EIF4E2: variants seen among roughly 807,000 people sequenced by gnomAD.
EIF4E2 encodes eukaryotic translation initiation factor 4E type 2.
In EIF4E2, 13 loss-of-function variants were observed where a neutral mutation model predicts 34.2. That is an observed-to-expected ratio of 0.38 (90% confidence interval 0.25 to 0.60). The LOEUF (loss-of-function observed/expected upper bound fraction) is 0.60. Ranked by LOEUF, EIF4E2 falls within the 20% of genes least tolerant of loss-of-function variation. The probability of loss-of-function intolerance (pLI) is 0.62; values close to 1 mark genes in which losing one functional copy is unlikely to be tolerated. For synonymous variants in EIF4E2, 100 were observed against 106.6 expected (o/e 0.94, Z 0.38); for missense variants, 222 against 315.1 (o/e 0.70, Z 2.24).
At chr2:232,580,272 T>C (rs1209535095) in intron 6 of EIF4E2, among the ~76,000 whole-genome samples, 1 of 152,190 alleles carries the variant, frequency 6.6e-6, no homozygotes, top group African/African-American at 2.4e-5. Flanking sequence ...TGTTGGTTGG[T>C]TGGTTTTTTG....
chr2:232,579,282 A>G (rs1043873678), intron 6 of EIF4E2, among the ~76,000 whole-genome samples: 5 of 152,194 alleles, frequency 3.3e-5, no homozygotes, highest in Non-Finnish European at 7.3e-5. Flanking sequence ...TAAAAATACC[A>G]TTAGCCTTTT....
intron 1 of EIF4E2, among the ~76,000 whole-genome samples, chr2:232,551,584 T>C (rs1304135459): frequency 1.3e-5 from 2 of 152,200 alleles, no homozygotes; most frequent in Admixed American, 1.3e-4. Context: ...GTAGAAAAGT[T>C]ACCCAGCCTC....
Position 232,564,555 on chromosome 2 carries a change from A to G in EIF4E2, c.375+204A>G, listed in dbSNP as rs568709968. On this transcript the variant is annotated intron_variant, in intron 4 of 6. Coordinates refer to ENST00000258416, the MANE Select transcript of EIF4E2 (RefSeq NM_004846.4). The stretch of plus-strand genomic sequence containing the variant: ...AAGCTCCGCCTCCCAGGTTCACGCC[A>G]TTCTCTTGCCTCAGCCTCCCTAGTA... Among the ~76,000 whole-genome samples, 308 of 152,300 alleles carry G rather than the reference A, an allele frequency of 2.0e-3. 1 individual carries two copies. The highest frequency in any genetic ancestry group is 6.6e-3 in the African/African-American group (275 of 41,568).
chr2:232,568,881 T>C, intron 6 of EIF4E2, 64 bp from the exon 7 acceptor site: 1 of 1,607,928 alleles, frequency 6.2e-7, no homozygotes. Context: ...ACCCAGATGC[T>C]ACTTTCCCTT....
downstream of EIF4E2, among the ~76,000 whole-genome samples, chr2:232,572,428 C>T (rs1282957579): frequency 1.3e-5 from 2 of 152,114 alleles, no homozygotes; most frequent in Admixed American, 1.3e-4. Flanking sequence ...TGCAGTGGCG[C>T]GATCTCTGCT....
intron 3 of EIF4E2, among the ~76,000 whole-genome samples, chr2:232,563,889 T>G (rs751072776): frequency 3.3e-5 from 5 of 152,212 alleles, no homozygotes; most frequent in Non-Finnish European, 5.9e-5. Context: ...GAGTTTCCAT[T>G]GTGCAAAAAC....
downstream of EIF4E2, among the ~76,000 whole-genome samples, chr2:232,572,739 G>A (rs1167865156): frequency 1.3e-5 from 2 of 152,168 alleles, no homozygotes; most frequent in African/African-American, 4.8e-5. Flanking sequence ...AAACTGGGAG[G>A]GGAATGTAAT....
At chr2:232,568,848 C>T in intron 6 of EIF4E2, 97 bp from the exon 7 acceptor site, 2 of 1,565,586 alleles carry the variant, frequency 1.3e-6, no homozygotes, top group East Asian at 4.6e-5. Context: ...GCTGTAGAGA[C>T]CAGAAGACCA....
chr2:232,563,438 G>A lies in EIF4E2; in HGVS notation c.271-809G>A, dbSNP rs575045305. On this transcript the variant is annotated intron_variant, in intron 3 of 6. Coordinates refer to ENST00000258416, the MANE Select transcript of EIF4E2 (RefSeq NM_004846.4). ...GGGGGTGACACTAATGAGAAAAACAGGACTACTGTGATGAATACAAATAAG... is the reference window on the plus strand; with the variant it reads ...GGGGGTGACACTAATGAGAAAAACAAGACTACTGTGATGAATACAAATAAG... 9.4e-4 allele frequency among the ~76,000 whole-genome samples: 143 copies of A among 151,864 alleles called. 1 individual carries two copies. The highest frequency in any genetic ancestry group is 1.6e-3 in the Non-Finnish European group (107 of 67,970).
chr2:232,565,571 T>G (rs1163564325), intron 4 of EIF4E2, among the ~76,000 whole-genome samples: 1 of 151,488 alleles, frequency 6.6e-6, no homozygotes. Flanking sequence ...GAGGTGGAGG[T>G]TGCACTGAGC....
exon 7 of EIF4E2, chr2:232,582,842 C>G (rs759836836): frequency 2.0e-5 from 3 of 152,096 alleles, no homozygotes; most frequent in African/African-American, 4.8e-5. Context: ...TTGAATCTTA[C>G]GTTTTCTAGA....
rs1372438147 is a variant in EIF4E2, at chr2:232,581,052, C to G, written c.*109C>G. 9.2e-6 allele frequency: 10 copies of G among 1,085,174 alleles called. No individual in the cohort carries two copies. The African/African-American group carries it at 1.6e-4, about 17-fold the overall frequency. The allele number at this position is 1,085,174 out of a possible 1,614,324, so 67.2% of individuals were successfully genotyped here. A position where few individuals can be genotyped will look rare whatever the true frequency, so the allele number is the denominator to read the frequency against. ...TGCTCACTGAAGGGACGTCCCTGAGCCGTGCGCTCTCCTTTTGCACTCATT... is the reference window on the plus strand; with the variant it reads ...TGCTCACTGAAGGGACGTCCCTGAGGCGTGCGCTCTCCTTTTGCACTCATT... On this transcript the variant is annotated 3_prime_UTR_variant, in exon 7 of 7. Coordinates refer to the EIF4E2 transcript ENST00000409098. This position sits in a 1 kb window ranked among gnomAD's most constrained non-coding sequence, Gnocchi z 5.2.
rs1692946671 is a variant in EIF4E2 at position 232,566,756 on chromosome 2, CTT to C, written c.376-69_376-68del. 1 of 1,566,570 alleles carries C rather than the reference CTT, an allele frequency of 6.4e-7. No individual in the cohort carries two copies. Among genetic ancestry groups the C allele is most frequent in the African/African-American group, 1.4e-5 (1 of 73,282 alleles). On this transcript the variant is annotated intron_variant, in intron 4 of 6. Coordinates refer to ENST00000258416, the MANE Select transcript of EIF4E2 (RefSeq NM_004846.4). The surrounding 1 kb of genome is among the most constrained non-coding windows in gnomAD (Gnocchi z 4.9). ...TTCTTAGTGTTTAAGAGATTCTTGG[CTT>C]TTTACTGCCTTCATACAAAAAAAGG...
intron 4 of EIF4E2, among the ~76,000 whole-genome samples, chr2:232,564,694 G>A (rs558298280): frequency 2.6e-5 from 4 of 152,130 alleles, no homozygotes; most frequent in Admixed American, 6.5e-5. Flanking sequence ...CTCGTGATCC[G>A]CCCGCCTTGG....
At chr2:232,554,412 C>A (rs1036530300) in intron 1 of EIF4E2, among the ~76,000 whole-genome samples, 4 of 152,146 alleles carry the variant, frequency 2.6e-5, no homozygotes, top group African/African-American at 9.7e-5. Flanking sequence ...GAGCAGGGGC[C>A]TTTGCACCAT....
Position 232,557,960 on chromosome 2 carries a change from G to A in EIF4E2, c.212G>A (p.Arg71His), listed in dbSNP as rs1450895082. Residue 71 changes from arginine (R) to histidine (H), a missense_variant, in exon 3 of 7, where the codon CGT becomes CAT. Arg to His is a conservative substitution (Grantham distance 29). Around this residue, in one of 3 missense-constraint regions of EIF4E2, gnomAD observed 87 missense variants for 93.6 expected, o/e 0.93. Transcript: ENST00000258416. Reference protein sequence around the residue: ...TFWYSRRTPGRPTSSQSYEQN... With the variant: ...TFWYSRRTPGHPTSSQSYEQN... ...TGGTACTCCAGGAGAACCCCCGGCC[G>A]TCCCACGAGCTCACAGAGCTATGAA... 7.4e-6 allele frequency: 12 copies of A among 1,614,090 alleles called. No homozygotes were observed. Among genetic ancestry groups the A allele is most frequent in the East Asian group, 4.5e-5 (2 of 44,882 alleles).
chr2:232,562,030 A>G (rs1297160765), intron 3 of EIF4E2, among the ~76,000 whole-genome samples: 1 of 150,884 alleles, frequency 6.6e-6, no homozygotes, highest in Admixed American at 6.6e-5. Context: ...GCCTGGCAAC[A>G]GTGTTAGACT....
chr2:232,568,967 C>G lies in EIF4E2; in HGVS notation c.688C>G (p.Gln230Glu), dbSNP rs1408289634. The G allele has an allele frequency of 1.2e-6, 2 of 1,614,106 alleles. No homozygotes were observed. Among genetic ancestry groups the G allele is most frequent in the East Asian group, 4.5e-5 (2 of 44,892 alleles). The change falls in exon 7 of 7, where the codon CAA (glutamine) becomes GAA (glutamate). Residue 230 changes from glutamine to glutamate, a missense_variant. Transcript: ENST00000258416. ...TAGAATGCCAGGCAGGCTGGGCCCC[C>G]AAAGGCTCCTTTTTCAAAACCTCTG... The part of the protein sequence containing the change: ...SIKMPGRLGP[Q>E]RLLFQNLWKP...
At chr2:232,559,259 A>G (rs537815119) in intron 3 of EIF4E2, among the ~76,000 whole-genome samples, 1 of 149,028 alleles carries the variant, frequency 6.7e-6, no homozygotes, top group East Asian at 2.0e-4. Flanking sequence ...GTTGTATGCT[A>G]GATATATTAT....
Sources: allele counts gnomAD v4.1 joint callset (sites outside exome capture counted in the v4.1 genomes callset), GRCh38; gene constraint gnomAD v4.1.1; regional missense constraint gnomAD v4.1.1; non-coding constraint Gnocchi (gnomAD v3.1); transcripts MANE v1.5; gene names NCBI Gene and HGNC (gene_info 2026-07-23, HGNC 2026-07-21).